The following B4GALT6 variants were observed in gnomAD, a reference collection of about 807,000 sequenced individuals.
The protein encoded by B4GALT6 is beta-1,4-galactosyltransferase 6, also known as UDP-Gal:beta-GlcNAc beta-1,4-galactosyltransferase 6.
In B4GALT6, 14 loss-of-function variants were observed where a neutral mutation model predicts 46.3. The observed-to-expected ratio is 0.30, with a 90% CI of 0.20 to 0.47. The LOEUF is 0.47. Among genes scored for constraint, B4GALT6 ranks in the 20% least tolerant of loss-of-function variants. B4GALT6 has a pLI of 0.99. For synonymous variants in B4GALT6, 168 were observed against 162.0 expected, an observed-to-expected ratio of 1.04 and a Z score of -0.28; for missense variants, 386 against 480.1, an observed-to-expected ratio of 0.80 and a Z score of 1.83.
chr18:31,670,690 C>T lies in B4GALT6; in HGVS notation c.116-4318G>A, dbSNP rs2074341570. On this transcript the variant is annotated intron_variant, in intron 1 of 8. Transcript: ENST00000306851. The stretch of plus-strand genomic sequence containing the variant: ...GAGAATGGTTCCAATTGTCTGCTTT[C>T]CAAACATAAAACTATGTTAACCCAA... 2.0e-5 allele frequency among the ~76,000 whole-genome samples: 3 copies of T among 152,146 alleles called. No homozygotes were observed. The South Asian group carries it at 6.2e-4, about 31-fold the overall frequency.
intron 2 of B4GALT6, 118 bp from the exon 3 acceptor site, chr18:31,658,207 T>C: frequency 1.5e-6 from 1 of 687,294 alleles, no homozygotes; most frequent in Non-Finnish European, 2.4e-6. Flanking sequence ...CAGAAGTACT[T>C]AAAATCAATT....
the B4GALT6 span, chr18:31,724,556 T>C: frequency 9.7e-7 from 1 of 1,033,730 alleles, no homozygotes; most frequent in Non-Finnish European, 1.2e-6. Flanking sequence ...AGACTTTGGC[T>C]CAGAGTTTGG....
chr18:31,643,197 A>C (rs549154160), intron 4 of B4GALT6, among the ~76,000 whole-genome samples: 4 of 152,342 alleles, frequency 2.6e-5, no homozygotes, highest in Non-Finnish European at 4.4e-5. Flanking sequence ...ATCATCTCCA[A>C]AATTCCTTTC....
intron 5 of B4GALT6, 49 bp from the exon 6 acceptor site, chr18:31,631,195 A>T (rs755029993): frequency 1.9e-5 from 27 of 1,407,090 alleles, no homozygotes; most frequent in Non-Finnish European, 2.3e-5. Flanking sequence ...CTCACACTTC[A>T]TCATCTTTTT....
chr18:31,640,421 C>T (rs1300762353), intron 4 of B4GALT6, among the ~76,000 whole-genome samples: 1 of 152,074 alleles, frequency 6.6e-6, no homozygotes, highest in African/African-American at 2.4e-5. Flanking sequence ...CAAAAAGTTT[C>T]ATTTATAAAG....
chr18:31,681,289 G>C (rs899829267), intron 1 of B4GALT6, among the ~76,000 whole-genome samples: 10 of 152,220 alleles, frequency 6.6e-5, no homozygotes, highest in African/African-American at 2.4e-4. Flanking sequence ...AAACCTTGGA[G>C]AGAAACTGCA....
chr18:31,698,022 A>T, the B4GALT6 span, among the ~76,000 whole-genome samples: 2 of 152,198 alleles, frequency 1.3e-5, no homozygotes, highest in African/African-American at 4.8e-5. Context: ...CTCAGCCATT[A>T]GTCCTCTGAC....
the B4GALT6 span, among the ~76,000 whole-genome samples, chr18:31,721,156 G>GT: frequency 2.1e-5 from 3 of 141,168 alleles, no homozygotes; most frequent in Non-Finnish European, 3.1e-5. Context: ...GAAAGTCTTT[G>GT]TAACAGCGTA....
chr18:31,658,087 A>G lies in B4GALT6; in HGVS notation c.235T>C (p.Tyr79His). ...NKNSTLNGTD[Y>H]PEGNNSSDYL... The stretch of plus-strand genomic sequence containing the variant: ...TCACTTGAATTATTGCCTTCGGGAT[A>G]ATCTTGGAAAGAGAGAAAAGAGTTA... The change falls in exon 3 of 9, where the codon TAT (tyrosine) becomes CAT (histidine). Residue 79 changes from tyrosine to histidine, a missense_variant and splice_region_variant. Coordinates refer to ENST00000306851, the MANE Select transcript of B4GALT6 (RefSeq NM_004775.5). 1 of 1,599,622 alleles carries G rather than the reference A, an allele frequency of 6.3e-7. No individual in the cohort carries two copies. Among genetic ancestry groups the G allele is most frequent in the Non-Finnish European group, 8.5e-7 (1 of 1,173,156 alleles).
chr18:31,722,168 G>T, the B4GALT6 span, among the ~76,000 whole-genome samples: 3 of 151,940 alleles, frequency 2.0e-5, no homozygotes, highest in African/African-American at 4.8e-5. Context: ...ACAAAAAAAA[G>T]CTTCCTGTAT....
intron 3 of B4GALT6, among the ~76,000 whole-genome samples, chr18:31,647,213 C>T (rs949552877): frequency 6.6e-6 from 1 of 152,184 alleles, no homozygotes; most frequent in African/African-American, 2.4e-5. Flanking sequence ...ATATAAGTAA[C>T]TGAAGCTGGT....
At position 31,668,646 on chromosome 18, in the gene B4GALT6, T is replaced by C. The variant is rs533267167; in HGVS notation, c.116-2274A>G. 3.9e-5 allele frequency among the ~76,000 whole-genome samples: 6 copies of C among 152,246 alleles called. No homozygotes were observed. In the East Asian group the frequency reaches 5.8e-4, roughly 15 times the overall value. On this transcript the variant is annotated intron_variant, in intron 1 of 8. Transcript: ENST00000306851. ...TTTCTTAACTCTGCAACAACTGATA[T>C]AGTGTGGCAGATATTAAGCCCTTAA...
At chr18:31,656,076 T>C (rs747313961) in intron 3 of B4GALT6, among the ~76,000 whole-genome samples, 8 of 152,134 alleles carry the variant, frequency 5.3e-5, no homozygotes, top group Non-Finnish European at 2.9e-5. Context: ...GGACCAGCAA[T>C]GGGGCTTGAC....
chr18:31,676,914 T>A (rs2074421230), intron 1 of B4GALT6, among the ~76,000 whole-genome samples: 1 of 152,216 alleles, frequency 6.6e-6, no homozygotes, highest in Admixed American at 6.5e-5. Context: ...AAACTATTTC[T>A]TGTAGTAATT....
the B4GALT6 span, among the ~76,000 whole-genome samples, chr18:31,713,131 T>C: frequency 6.6e-6 from 1 of 152,120 alleles, no homozygotes; most frequent in Non-Finnish European, 1.5e-5. Context: ...GGCGGGTGGA[T>C]TACTTGAGCC....
At position 31,624,207 on chromosome 18, in the gene B4GALT6, T is replaced by A. The variant is rs1235128768; in HGVS notation, c.*1407A>T. 1 of 151,996 alleles carries A rather than the reference T, an allele frequency of 6.6e-6. No homozygotes were observed. The highest frequency in any genetic ancestry group is 2.1e-4 in the South Asian group (1 of 4,830). 9.4% of individuals were successfully genotyped at this position (151,996 alleles called of 1,614,324 possible). A position where few individuals can be genotyped will look rare whatever the true frequency, so the allele number is the denominator to read the frequency against. The stretch of plus-strand genomic sequence containing the variant: ...ATGCAAACATGTAAGATATTACATA[T>A]AGAAGACATTATGGCATCAGTGCAC... On this transcript the variant is annotated 3_prime_UTR_variant, in exon 9 of 9. Transcript: ENST00000306851.
the B4GALT6 span, among the ~76,000 whole-genome samples, chr18:31,718,141 A>G: frequency 6.6e-6 from 1 of 152,218 alleles, no homozygotes; most frequent in African/African-American, 2.4e-5. Flanking sequence ...AAGCATTGCA[A>G]CAACATCAAA....
the B4GALT6 span, among the ~76,000 whole-genome samples, chr18:31,700,527 G>A: frequency 1.3e-5 from 2 of 151,648 alleles, no homozygotes; most frequent in African/African-American, 2.4e-5. Flanking sequence ...CACAATCTCA[G>A]CTCACTGCAA....
In B4GALT6 at chr18:31,660,731, A is replaced by T. The variant is rs76280582; in HGVS notation, c.233-2642T>A. 1.7e-3 allele frequency among the ~76,000 whole-genome samples: 257 copies of T among 152,290 alleles called. 1 individual carries two copies. The highest frequency in any genetic ancestry group is 0.01 in the East Asian group (54 of 5,192). ...AGGAGTTCCAAAAAGAAAGGAAAAT[A>T]ATAGGAAGACAAATTATCAAAGAAA... is the stretch of plus-strand genomic sequence containing the variant. On this transcript the variant is annotated intron_variant, in intron 2 of 8. Coordinates refer to ENST00000306851, the MANE Select transcript of B4GALT6 (RefSeq NM_004775.5).
Sources: allele counts gnomAD v4.1 joint callset (sites outside exome capture counted in the v4.1 genomes callset), GRCh38; gene constraint gnomAD v4.1.1; transcripts MANE v1.5; gene names NCBI Gene and HGNC (gene_info 2026-07-23, HGNC 2026-07-21).